The following CERKL variants were observed in gnomAD, a reference collection of about 807,000 sequenced individuals.
The protein encoded by CERKL is ceramide kinase-like protein.
Under a neutral mutation model 63.4 loss-of-function variants are expected in CERKL, and 61 were observed. The ratio of observed to expected loss-of-function variants is 0.96; its 90% CI spans 0.78 to 1.19. The LOEUF (loss-of-function observed/expected upper bound fraction) is 1.19. CERKL is among the 50% of genes most tolerant of loss of function. The pLI is 0.00. For missense variants in CERKL, 675 were observed against 655.5 expected, an observed-to-expected ratio of 1.03 and a Z score of -0.33; for synonymous variants, 250 against 230.5, an observed-to-expected ratio of 1.08 and a Z score of -0.77.
chr2:181,657,050 C>G lies in CERKL; in HGVS notation c.-44G>C, dbSNP rs1240089362. The G allele has an allele frequency of 7.2e-6, 11 of 1,526,602 alleles. No homozygotes were observed. Among genetic ancestry groups the G allele is most frequent in the Non-Finnish European group, 9.7e-6 (11 of 1,128,452 alleles). 94.6% of individuals were successfully genotyped at this position (1,526,602 alleles called of 1,614,324 possible). ...GCCCGAGCCAGGGGTCCGGGGAGGC[C>G]TTTGGAGAAGGAGGTGGAGGGCGCG... On this transcript the variant is annotated 5_prime_UTR_variant, in exon 1 of 13. Coordinates refer to ENST00000410087, the MANE Select transcript of CERKL (RefSeq NM_201548.5).
At chr2:181,653,126 A>G (rs1688009451) in intron 1 of CERKL, among the ~76,000 whole-genome samples, 1 of 152,244 alleles carries the variant, frequency 6.6e-6, no homozygotes, top group Non-Finnish European at 1.5e-5. Flanking sequence ...TCAAAAGAAG[A>G]CATATAAATG....
intron 1 of CERKL, among the ~76,000 whole-genome samples, chr2:181,638,891 C>T (rs185772143): frequency 4.6e-5 from 7 of 152,200 alleles, no homozygotes; most frequent in Admixed American, 6.5e-5. Flanking sequence ...ATCCCCTTTA[C>T]GGGTATCAGA....
chr2:181,558,251 G>A lies in CERKL; in HGVS notation c.820+315C>T, dbSNP rs924394551. Among the ~76,000 whole-genome samples, 4 of 152,008 alleles carry A rather than the reference G, an allele frequency of 2.6e-5. No individual in the cohort carries two copies. The highest frequency in any genetic ancestry group is 1.3e-4 in the Admixed American group (2 of 15,242). ...TAATCAACAGATTTTTTATGCGAAG[G>A]GAGAATAATAACCATTCCATATACT... is the stretch of plus-strand genomic sequence containing the variant. On this transcript the variant is annotated intron_variant, in intron 5 of 12. Coordinates refer to ENST00000410087, the MANE Select transcript of CERKL (RefSeq NM_201548.5). This position sits in a 1 kb window ranked among gnomAD's most constrained non-coding sequence, Gnocchi z 4.2.
chr2:181,577,797 G>A (rs1462007532), intron 2 of CERKL, among the ~76,000 whole-genome samples: 1 of 152,090 alleles, frequency 6.6e-6, no homozygotes, highest in East Asian at 1.9e-4. Context: ...GCAGTAGGGG[G>A]AAGGGGTCTT....
At chr2:181,634,584 T>C (rs746943559) in intron 1 of CERKL, among the ~76,000 whole-genome samples, 3 of 152,116 alleles carry the variant, frequency 2.0e-5, no homozygotes, top group Non-Finnish European at 2.9e-5. Context: ...TTACCTGATT[T>C]TATTGAAACT....
intron 3 of CERKL, among the ~76,000 whole-genome samples, chr2:181,572,899 C>T (rs1458303394): frequency 6.6e-6 from 1 of 151,308 alleles, no homozygotes; most frequent in Admixed American, 6.6e-5. Flanking sequence ...AGTAAAGCCA[C>T]ATCACTGTGA....
At chr2:181,586,256 C>T (rs1460779190) in intron 2 of CERKL, among the ~76,000 whole-genome samples, 1 of 151,946 alleles carries the variant, frequency 6.6e-6, no homozygotes, top group Non-Finnish European at 1.5e-5. Context: ...TTTAGGTGAC[C>T]TAGAAATAAA....
At chr2:181,631,031 C>T (rs1407725039) in intron 1 of CERKL, among the ~76,000 whole-genome samples, 1 of 152,054 alleles carries the variant, frequency 6.6e-6, no homozygotes, top group Admixed American at 6.6e-5. Flanking sequence ...TATTGGGAGG[C>T]CATTGAATTA....
At chr2:181,547,501 A>G in intron 10 of CERKL, 117 bp downstream of exon 10, 1 of 766,098 alleles carries the variant, frequency 1.3e-6, no homozygotes, top group Non-Finnish European at 2.3e-6. Context: ...AGAATCTCTA[A>G]TATACAAAGA....
rs115965784 is a variant in CERKL, at chr2:181,581,118, C to T, written c.482-7234G>A. Among the ~76,000 whole-genome samples, 712 of 152,316 alleles carry T rather than the reference C, an allele frequency of 4.7e-3. 5 individuals are homozygous for T. Among genetic ancestry groups the T allele is most frequent in the African/African-American group, 0.016 (685 of 41,576 alleles). Reference sequence around the variant, plus strand: ...TCTCCCAATAATCAAAATTAATCATCTTTGCCAGCGTAGCATCTTCATTTT... The same window carrying T: ...TCTCCCAATAATCAAAATTAATCATTTTTGCCAGCGTAGCATCTTCATTTT... On this transcript the variant is annotated intron_variant, in intron 2 of 12. Coordinates refer to ENST00000410087, the MANE Select transcript of CERKL (RefSeq NM_201548.5).
At chr2:181,595,458 T>C (rs1685166608) in intron 2 of CERKL, among the ~76,000 whole-genome samples, 1 of 152,208 alleles carries the variant, frequency 6.6e-6, no homozygotes, top group South Asian at 2.1e-4. Context: ...ATATGGATAC[T>C]TTCTAGCAGG....
chr2:181,576,409 T>C (rs1391256728), intron 2 of CERKL, among the ~76,000 whole-genome samples: 1 of 152,168 alleles, frequency 6.6e-6, no homozygotes, highest in Admixed American at 6.5e-5. Flanking sequence ...TTAAATGCAA[T>C]GTGTGATTCT....
intron 2 of CERKL, among the ~76,000 whole-genome samples, chr2:181,574,118 T>C (rs1173240003): frequency 6.6e-6 from 1 of 152,164 alleles, no homozygotes; most frequent in Non-Finnish European, 1.5e-5. Context: ...AACAATATAT[T>C]TAATTTATGA....
At chr2:181,653,476 A>G (rs1231796857) in intron 1 of CERKL, among the ~76,000 whole-genome samples, 1 of 152,260 alleles carries the variant, frequency 6.6e-6, no homozygotes, top group Non-Finnish European at 1.5e-5. Flanking sequence ...CTGCAGCACT[A>G]TTCACAATGG....
chr2:181,619,491 C>T (rs1353253638), intron 1 of CERKL, among the ~76,000 whole-genome samples: 1 of 152,154 alleles, frequency 6.6e-6, no homozygotes, highest in Non-Finnish European at 1.5e-5. Flanking sequence ...ATATCTTCAT[C>T]ATTATCTTCA....
chr2:181,647,278 G>A (rs780700168), intron 1 of CERKL, among the ~76,000 whole-genome samples: 5 of 152,196 alleles, frequency 3.3e-5, no homozygotes, highest in Non-Finnish European at 7.3e-5. Context: ...CCACTGGCTA[G>A]ACTTTAGATA....
At chr2:181,624,635 G>T (rs73041291) in intron 1 of CERKL, among the ~76,000 whole-genome samples, 27,019 of 152,184 alleles carry the variant, frequency 0.18, 3,794 homozygotes, top group African/African-American at 0.39. Flanking sequence ...GGTGAGAAAT[G>T]AGAGTGTATA....
chr2:181,561,655 C>T (rs1688449159), intron 4 of CERKL, among the ~76,000 whole-genome samples: 1 of 152,064 alleles, frequency 6.6e-6, no homozygotes, highest in Non-Finnish European at 1.5e-5. Context: ...TTTTCCTGAT[C>T]CAGGAGAGAT....
chr2:181,625,911 C>T (rs143436418), intron 1 of CERKL, among the ~76,000 whole-genome samples: 1 of 152,212 alleles, frequency 6.6e-6, no homozygotes, highest in East Asian at 1.9e-4. Context: ...GCCTAAAACG[C>T]TATATTGTTT....
Sources: gnomAD v4.1 joint callset for allele counts (sites outside exome capture counted in the v4.1 genomes callset) on GRCh38, gnomAD v4.1.1 for gene constraint, Gnocchi (gnomAD v3.1) non-coding constraint, MANE v1.5 for transcripts, NCBI Gene and HGNC (gene_info 2026-07-23, HGNC 2026-07-21) for gene names.